Variants in TRAPPC9 observed in about 807,000 individuals in gnomAD.
The protein encoded by TRAPPC9 is IKK2 binding protein.
TRAPPC9 carries 83 observed loss-of-function variants against 124.0 expected under a neutral mutation model. The ratio of observed to expected loss-of-function variants is 0.67; its 90% confidence interval spans 0.56 to 0.80. The LOEUF (loss-of-function observed/expected upper bound fraction) is 0.80. TRAPPC9 is among the 30% of genes least tolerant of loss of function. The pLI, the probability that TRAPPC9 is intolerant of heterozygous loss-of-function variation, is 0.00. For synonymous variants in TRAPPC9, 638 were observed against 617.5 expected, an observed-to-expected ratio of 1.03 and a Z score of -0.49; for missense variants, 1,302 against 1,508.3, an observed-to-expected ratio of 0.86 and a Z score of 2.27.
chr8:139,730,822 T>G lies in TRAPPC9; in HGVS notation c.*239A>C, dbSNP rs1402138141. ...TTGGGATTTCCTCTGCTTCAGCCTG[T>G]GTATGGTCCAGGGAACAGTGTAGGA... On this transcript the variant is annotated 3_prime_UTR_variant, in exon 23 of 23. Transcript: ENST00000438773. 1.8e-6 allele frequency: 1 copy of G among 562,190 alleles called. No individual in the cohort carries two copies. The highest frequency in any genetic ancestry group is 3.0e-5 in the East Asian group (1 of 33,414). The allele number at this position is 562,190 out of a possible 1,614,324, so 34.8% of individuals were successfully genotyped here. A position where few individuals can be genotyped will look rare whatever the true frequency, so the allele number is the denominator to read the frequency against.
At chr8:139,841,171 C>G (rs1351922995) in intron 21 of TRAPPC9, among the ~76,000 whole-genome samples, 1 of 152,204 alleles carries the variant, frequency 6.6e-6, no homozygotes, top group African/African-American at 2.4e-5. Flanking sequence ...CCGGCTCCTT[C>G]TTGTGGTCCT....
intron 17 of TRAPPC9, among the ~76,000 whole-genome samples, chr8:140,198,103 G>A (rs770880176): frequency 6.6e-6 from 1 of 152,142 alleles, no homozygotes. Context: ...GCAAAATGAT[G>A]ACTGAGGCAG....
chr8:140,172,789 A>G (rs1452386903), intron 17 of TRAPPC9, among the ~76,000 whole-genome samples: 1 of 152,226 alleles, frequency 6.6e-6, no homozygotes, highest in Admixed American at 6.5e-5. Context: ...CAAGAAAAGT[A>G]CTATCATTCC....
intron 21 of TRAPPC9, among the ~76,000 whole-genome samples, chr8:139,802,822 G>A (rs1823633650): frequency 6.6e-6 from 1 of 152,182 alleles, no homozygotes; most frequent in Admixed American, 6.5e-5. Context: ...TGTGGAATGT[G>A]AAGTGTATGT....
intron 17 of TRAPPC9, among the ~76,000 whole-genome samples, chr8:140,156,561 T>C (rs575128801): frequency 2.6e-5 from 4 of 152,322 alleles, no homozygotes; most frequent in East Asian, 1.9e-4. Context: ...AATCTGGCCA[T>C]AGCCTGTCTC....
intron 17 of TRAPPC9, among the ~76,000 whole-genome samples, chr8:140,119,449 C>G (rs576887019): frequency 6.6e-6 from 1 of 152,192 alleles, no homozygotes; most frequent in Admixed American, 6.5e-5. Context: ...CACTCCACGC[C>G]TCACCCCGTG....
In TRAPPC9 at chr8:140,331,718, A is replaced by G. The variant is rs145398871; in HGVS notation, c.1496-20344T>C. Among the ~76,000 whole-genome samples the G allele has an allele frequency of 3.1e-3, 466 of 152,280 alleles. 1 individual carries two copies. The highest frequency in any genetic ancestry group is 5.4e-3 in the Non-Finnish European group (365 of 68,016). On this transcript the variant is annotated intron_variant, in intron 9 of 22. Transcript: ENST00000438773. ...AAGACATACAAAATGGCTAACAGGT[A>G]TATGAAACAATGCTCATCACTAATC... is the stretch of plus-strand genomic sequence containing the variant.
intron 11 of TRAPPC9, among the ~76,000 whole-genome samples, chr8:140,294,607 C>CTT (rs796330094): frequency 1.4e-5 from 2 of 147,100 alleles, no homozygotes; most frequent in African/African-American, 5.0e-5. Flanking sequence ...ATTTATTCTT[C>CTT]TTTTTTTTTT....
intron 10 of TRAPPC9, among the ~76,000 whole-genome samples, chr8:140,300,820 C>T (rs1251199017): frequency 6.6e-6 from 1 of 152,248 alleles, no homozygotes; most frequent in African/African-American, 2.4e-5. Context: ...GGGGAAATCA[C>T]TCCCTGGAAC....
chr8:139,751,101 C>T (rs1034721944), intron 21 of TRAPPC9, among the ~76,000 whole-genome samples: 6 of 152,138 alleles, frequency 3.9e-5, no homozygotes, highest in Non-Finnish European at 7.4e-5. Flanking sequence ...CCAATCAATA[C>T]GCCATTTAAA....
intron 21 of TRAPPC9, among the ~76,000 whole-genome samples, chr8:139,751,660 C>T (rs1184777772): frequency 6.6e-6 from 1 of 152,124 alleles, no homozygotes; most frequent in African/African-American, 2.4e-5. Flanking sequence ...TCCACAAACT[C>T]AAAAACTCTA....
chr8:139,945,797 G>A (rs986174548), intron 19 of TRAPPC9, among the ~76,000 whole-genome samples: 1 of 152,178 alleles, frequency 6.6e-6, no homozygotes, highest in Non-Finnish European at 1.5e-5. Context: ...AGTGAAGGAT[G>A]TATCTCCCTT....
At chr8:140,143,102 G>A (rs2061405895) in intron 17 of TRAPPC9, among the ~76,000 whole-genome samples, 1 of 152,228 alleles carries the variant, frequency 6.6e-6, no homozygotes, top group Non-Finnish European at 1.5e-5. Context: ...ATATAGAAAG[G>A]AACAGGACAG....
intron 19 of TRAPPC9, among the ~76,000 whole-genome samples, chr8:139,967,839 T>TA (rs1000436518): frequency 5.9e-5 from 9 of 151,982 alleles, no homozygotes; most frequent in Non-Finnish European, 8.8e-5. Context: ...TTTTTGTTTT[T>TA]AAAAAAAACA....
chr8:140,312,970 G>A (rs987146913), intron 9 of TRAPPC9, among the ~76,000 whole-genome samples: 1 of 152,004 alleles, frequency 6.6e-6, no homozygotes, highest in South Asian at 2.1e-4. Context: ...ACATTGCCCA[G>A]GCTAGTCTCC....
intron 21 of TRAPPC9, among the ~76,000 whole-genome samples, chr8:139,802,957 G>A (rs1198367465): frequency 6.6e-6 from 1 of 151,730 alleles, no homozygotes; most frequent in Non-Finnish European, 1.5e-5. Flanking sequence ...GTGAAGATGT[G>A]TGCTGTTGTG....
At chr8:140,177,337 G>C (rs182315847) in intron 17 of TRAPPC9, among the ~76,000 whole-genome samples, 1 of 151,996 alleles carries the variant, frequency 6.6e-6, no homozygotes, top group Non-Finnish European at 1.5e-5. Context: ...GTTAAGGGTC[G>C]GAGTTAATTT....
At chr8:140,198,901 A>G (rs1294056564) in intron 17 of TRAPPC9, among the ~76,000 whole-genome samples, 2 of 152,198 alleles carry the variant, frequency 1.3e-5, no homozygotes, top group African/African-American at 4.8e-5. Flanking sequence ...TAGCACATTC[A>G]ACGTGCCAGA....
chr8:139,866,191 T>G (rs898665855), intron 21 of TRAPPC9, among the ~76,000 whole-genome samples: 3 of 152,188 alleles, frequency 2.0e-5, no homozygotes, highest in African/African-American at 7.2e-5. Flanking sequence ...GACAACAGGT[T>G]GCAAAATGTT....
Sources: gnomAD v4.1 joint callset for allele counts (sites outside exome capture counted in the v4.1 genomes callset) on GRCh38, gnomAD v4.1.1 for gene constraint, MANE v1.5 for transcripts, NCBI Gene and HGNC (gene_info 2026-07-23, HGNC 2026-07-21) for gene names.